Variants in MLH3 observed in about 807,000 individuals in gnomAD.
MLH3 encodes DNA mismatch repair protein Mlh3.
In MLH3, 82 loss-of-function variants were observed where a neutral mutation model predicts 122.2. That is an observed-to-expected ratio of 0.67 (90% CI 0.56 to 0.81). MLH3 has a LOEUF of 0.81. Among genes scored for constraint, MLH3 ranks in the 30% least tolerant of loss-of-function variants. The pLI, the probability that MLH3 is intolerant of heterozygous loss-of-function variation, is 0.00. For synonymous variants in MLH3, 524 were observed against 599.5 expected (o/e 0.87, Z 1.84); for missense variants, 1,539 against 1,714.5 (o/e 0.90, Z 1.81).
intron 6 of MLH3, chr14:75,036,494 G>C: frequency 2.8e-6 from 1 of 353,556 alleles, no homozygotes; most frequent in Admixed American, 3.7e-5. Flanking sequence ...ACAGGCATCT[G>C]CCACCATGTC....
In MLH3 at chr14:75,029,799, T is replaced by C. The variant is rs368946817; in HGVS notation, c.3987+744A>G. On this transcript the variant is annotated intron_variant, in intron 9 of 12. Transcript: ENST00000355774. The stretch of plus-strand genomic sequence containing the variant: ...AACCACCCACCACGGCCTCCCAAAG[T>C]GCTGGCATTACAGGTGTGAGCCACC... Among the ~76,000 whole-genome samples, 26 of 152,190 alleles carry C rather than the reference T, an allele frequency of 1.7e-4. 3 individuals carry two copies. Among genetic ancestry groups the C allele is most frequent in the Admixed American group, 1.4e-3 (21 of 15,298 alleles).
intron 2 of MLH3, among the ~76,000 whole-genome samples, chr14:75,042,850 AC>A (rs1181453347): frequency 6.7e-6 from 1 of 150,014 alleles, no homozygotes; most frequent in Non-Finnish European, 1.5e-5. Context: ...ATCTCGGCTT[AC>A]TGCAACTTCC....
At chr14:75,017,636 G>T (rs561039447) in intron 12 of MLH3, among the ~76,000 whole-genome samples, 2 of 152,316 alleles carry the variant, frequency 1.3e-5, no homozygotes, top group East Asian at 3.9e-4. Context: ...ATTCAATAGA[G>T]ATTACAGATT....
At chr14:75,035,884 T>C (rs948509345) in intron 6 of MLH3, among the ~76,000 whole-genome samples, 1 of 152,100 alleles carries the variant, frequency 6.6e-6, no homozygotes, top group Non-Finnish European at 1.5e-5. Context: ...TCACCCTCTG[T>C]AGTCCCTCTT....
Position 75,051,219 on chromosome 14 carries a change from C to A in MLH3, c.-64+161G>T, listed in dbSNP as rs539499909. On this transcript the variant is annotated intron_variant, in intron 1 of 12. Transcript: ENST00000355774. ...CCAGCCCCTCCCTGGCCAGCCCCGT[C>A]CTTGTCCCCAAACTGGGCCCGCCCG... 2.0e-4 allele frequency among the ~76,000 whole-genome samples: 31 copies of A among 152,238 alleles called. 1 individual carries two copies. In the East Asian group the frequency reaches 6.0e-3, roughly 29 times the overall value.
chr14:75,033,666 T>G (rs1891200286), intron 6 of MLH3, among the ~76,000 whole-genome samples, 176 bp from the exon 7 acceptor site: 1 of 152,188 alleles, frequency 6.6e-6, no homozygotes, highest in Non-Finnish European at 1.5e-5. Context: ...GGGAAAATGA[T>G]AGCAAACTTA....
chr14:75,049,496 C>G lies in MLH3; in HGVS notation c.160G>C (p.Val54Leu). Residue 54 changes from valine (V) to leucine (L), a missense_variant, in exon 2 of 13, where the codon GTG (valine) becomes CTG (leucine). Transcript: ENST00000355774. ...CCCATCCCAAATCCATTGTCTATCA[C>G]TTGAACTTGGAAGGTTTCCATATTC... Reference protein sequence around the residue: ...RVNMETFQVQVIDNGFGMGSD... With the variant: ...RVNMETFQVQLIDNGFGMGSD... 1 of 1,614,198 alleles carries G rather than the reference C, an allele frequency of 6.2e-7. No individual in the cohort carries two copies. Among genetic ancestry groups the G allele is most frequent in the Non-Finnish European group, 8.5e-7 (1 of 1,180,038 alleles).
At position 75,049,459 on chromosome 14, in the gene MLH3, A is replaced by G. The variant is rs1406012470; in HGVS notation, c.197T>C (p.Val66Ala). 2 of 1,613,940 alleles carry G rather than the reference A, an allele frequency of 1.2e-6. No individual in the cohort carries two copies. Among genetic ancestry groups the G allele is most frequent in the Non-Finnish European group, 1.7e-6 (2 of 1,180,010 alleles). The change falls in exon 2 of 13, where the codon GTA becomes GCA. Residue 66 changes from valine (V) to alanine (A), a missense_variant. Coordinates refer to ENST00000355774, the MANE Select transcript of MLH3 (RefSeq NM_001040108.2). ...GAAATAACGATTTCCCACTTTCTCT[A>G]CATCATCACTCCCCATCCCAAATCC... ...DNGFGMGSDD[V>A]EKVGNRYFTS...
chr14:75,049,605 C>T lies in MLH3; in HGVS notation c.51G>A (p.Leu17=). ...VEVQAKLRSG[L]AISSLGQCVE... The stretch of plus-strand genomic sequence containing the variant: ...CACATTGGCCCAAGGAGCTTATGGC[C>T]AAACCAGAACGCAATTTGGCTTGTA... Residue 17 remains leucine (L), a synonymous_variant, in exon 2 of 13, where the codon TTG becomes TTA. Coordinates refer to ENST00000355774, the MANE Select transcript of MLH3 (RefSeq NM_001040108.2). 9 of 1,614,168 alleles carry T rather than the reference C, an allele frequency of 5.6e-6. No individual in the cohort carries two copies. The highest frequency in any genetic ancestry group is 7.6e-6 in the Non-Finnish European group (9 of 1,180,040).
In MLH3 at chr14:75,048,193, TTA is replaced by T. The variant is rs1216164145; in HGVS notation, c.1461_1462del (p.His487GlnfsTer8). On this transcript the variant is annotated frameshift_variant, in exon 2 of 13. Transcript: ENST00000355774. LOFTEE classifies it high-confidence loss of function. ...AGAGCTATGTTCCAGGAAAGATTTT[TTA>T]TGTTTCTCATTTTCTCCAGCTTCTG... 1.2e-6 allele frequency: 2 copies of T among 1,613,664 alleles called. No individual in the cohort carries two copies. The highest frequency in any genetic ancestry group is 1.1e-5 in the South Asian group (1 of 91,002).
chr14:75,050,131 T>C (rs1892565052), intron 1 of MLH3, among the ~76,000 whole-genome samples: 1 of 152,198 alleles, frequency 6.6e-6, no homozygotes, highest in Non-Finnish European at 1.5e-5. Context: ...CATTACACAA[T>C]AACCATGACT....
chr14:75,032,484 G>A (rs754678293), intron 7 of MLH3, among the ~76,000 whole-genome samples: 1 of 152,176 alleles, frequency 6.6e-6, no homozygotes, highest in Non-Finnish European at 1.5e-5. Context: ...GGATTACCAG[G>A]AACATATGTG....
chr14:75,034,676 G>T (rs538062912), intron 6 of MLH3, among the ~76,000 whole-genome samples: 15 of 152,142 alleles, frequency 9.9e-5, no homozygotes, highest in African/African-American at 3.4e-4. Flanking sequence ...TACAGAAAGA[G>T]GTGATGCCCA....
rs753531927 is a variant in MLH3, at chr14:75,046,512, G to A, written c.3144C>T (p.Phe1048=). ...AAACCATTCTTCCCAGGGCTACATCGAAATGCCGCTGCCAATCTGAACAAC... is the reference window on the plus strand; with the variant it reads ...AAACCATTCTTCCCAGGGCTACATCAAAATGCCGCTGCCAATCTGAACAAC... ...NTCCSDWQRH[F]DVALGRMVYV... is the part of the protein sequence containing the mutation. The change falls in exon 2 of 13, where the codon TTC becomes TTT. Residue 1048 remains phenylalanine (F), a synonymous_variant. Transcript: ENST00000355774. 3 of 1,614,136 alleles carry A rather than the reference G, an allele frequency of 1.9e-6. No homozygotes were observed. The highest frequency in any genetic ancestry group is 2.5e-6 in the Non-Finnish European group (3 of 1,180,010).
intron 6 of MLH3, 79 bp from the exon 7 acceptor site, chr14:75,033,569 T>A: frequency 9.8e-7 from 1 of 1,015,502 alleles, no homozygotes; most frequent in Non-Finnish European, 1.6e-6. Context: ...AGAGAAGACT[T>A]AATTCAAACT....
intron 9 of MLH3, among the ~76,000 whole-genome samples, chr14:75,023,781 G>C (rs757697916): frequency 3.3e-5 from 5 of 152,102 alleles, no homozygotes; most frequent in Non-Finnish European, 7.4e-5. Context: ...CTTTACTCCT[G>C]GAAAAGGCTA....
intron 9 of MLH3, among the ~76,000 whole-genome samples, chr14:75,030,247 T>G (rs865851926): frequency 5.3e-5 from 8 of 152,218 alleles, no homozygotes; most frequent in African/African-American, 1.9e-4. Context: ...TGTGTTTCCA[T>G]AACACTTCTG....
In MLH3 at chr14:75,047,925, AG is replaced by A. The variant is rs780653575; in HGVS notation, c.1730del (p.Ala577ValfsTer33). On this transcript the variant is annotated frameshift_variant, in exon 2 of 13. Transcript: ENST00000355774. LOFTEE classifies it high-confidence loss of function. ...CTTTTTTTTTCTCTTTCTCTGTCTG[AG>A]CACTATGTACTCCCCATAATGTTGT... ...FATTLWGVHS[A>X]QTEKEKKKES... 1 of 1,613,886 alleles carries A rather than the reference AG, an allele frequency of 6.2e-7. No homozygotes were observed.
At position 75,039,973 on chromosome 14, in the gene MLH3, C is replaced by T. The variant is rs2139474091; in HGVS notation, c.3508G>A (p.Val1170Ile). The change falls in exon 5 of 13, where the codon GTT (valine) becomes ATT (isoleucine). Residue 1170 changes from valine (V) to isoleucine (I), a missense_variant. Transcript: ENST00000355774. ...GGATACAAGATGTTGTGAATTTTAA[C>T]TGCTAAGCTCTCAGCCTGGCCACTG... is the stretch of plus-strand genomic sequence containing the variant. ...VSSGQAESLA[V>I]KIHNILYPYR... The T allele has an allele frequency of 3.1e-6, 5 of 1,600,232 alleles. No homozygotes were observed. The highest frequency in any genetic ancestry group is 2.2e-5 in the South Asian group (2 of 90,872).
Sources: gnomAD v4.1 joint callset for allele counts (sites outside exome capture counted in the v4.1 genomes callset) on GRCh38, gnomAD v4.1.1 for gene constraint, MANE v1.5 for transcripts, NCBI Gene and HGNC (gene_info 2026-07-23, HGNC 2026-07-21) for gene names.